Variants in PRKG1 observed in about 807,000 individuals in gnomAD.
PRKG1 encodes protein kinase cGMP-dependent 1.
PRKG1 carries 35 observed loss-of-function variants against 88.1 expected under a neutral mutation model. That is an observed-to-expected ratio of 0.40 (90% confidence interval 0.30 to 0.53). The LOEUF (loss-of-function observed/expected upper bound fraction) is 0.53, where lower values mean the gene tolerates loss of function less well. Among genes scored for constraint, PRKG1 ranks in the 20% least tolerant of loss-of-function variants. The pLI is 0.59. For synonymous variants in PRKG1, 303 were observed against 292.5 expected (o/e 1.04, Z -0.37); for missense variants, 540 against 839.8 (o/e 0.64, Z 4.41).
At chr10:51,399,072 T>C (rs1238347239) in intron 2 of PRKG1, among the ~76,000 whole-genome samples, 1 of 152,076 alleles carries the variant, frequency 6.6e-6, no homozygotes, top group Non-Finnish European at 1.5e-5. Flanking sequence ...ATAATTTTAT[T>C]GTATATAAAT....
chr10:51,348,314 T>C (rs1349909266), intron 2 of PRKG1, among the ~76,000 whole-genome samples: 1 of 152,172 alleles, frequency 6.6e-6, no homozygotes, highest in Non-Finnish European at 1.5e-5. Flanking sequence ...AGATTATACA[T>C]TTGATCTCTG....
chr10:51,622,654 C>T (rs528946575), intron 3 of PRKG1, among the ~76,000 whole-genome samples: 1 of 152,278 alleles, frequency 6.6e-6, no homozygotes, highest in South Asian at 2.1e-4. Flanking sequence ...AGTGCCAGAG[C>T]TCAAGTTAAG....
Position 51,320,270 on chromosome 10 carries a change from T to C in PRKG1, c.479-147453T>C, listed in dbSNP as rs867043736. ...TATGTAAGTGACAATGATTTTAAAA[T>C]CCTGCAACCAGATATTAGGAAGCTC... On this transcript the variant is annotated intron_variant, in intron 2 of 17. Coordinates refer to ENST00000373980, the MANE Select transcript of PRKG1 (RefSeq NM_006258.4). The C allele has an allele frequency of 9.0e-5, 15 of 167,454 alleles. No individual in the cohort carries two copies. The Middle Eastern group carries it at 5.4e-3, about 60-fold the overall frequency. 10.4% of individuals were successfully genotyped at this position (167,454 alleles called of 1,614,324 possible). A position where few individuals can be genotyped will look rare whatever the true frequency, so the allele number is the denominator to read the frequency against.
At chr10:51,662,663 A>C (rs1480586097) in intron 3 of PRKG1, among the ~76,000 whole-genome samples, 2 of 152,166 alleles carry the variant, frequency 1.3e-5, no homozygotes, top group Non-Finnish European at 2.9e-5. Context: ...CAATTATAAA[A>C]AGTACAACCA....
chr10:52,060,958 A>G (rs1299432478), intron 6 of PRKG1, among the ~76,000 whole-genome samples: 1 of 152,044 alleles, frequency 6.6e-6, no homozygotes, highest in East Asian at 1.9e-4. Context: ...TATTCATATA[A>G]TGGAATGCTG....
chr10:51,553,157 C>A (rs565879275), intron 3 of PRKG1, among the ~76,000 whole-genome samples: 2 of 151,748 alleles, frequency 1.3e-5, no homozygotes, highest in East Asian at 1.9e-4. Flanking sequence ...CAAAAATCTT[C>A]TTGCTGAGCC....
chr10:52,132,410 A>G (rs1240201931), intron 7 of PRKG1, among the ~76,000 whole-genome samples: 2 of 152,292 alleles, frequency 1.3e-5, no homozygotes, highest in East Asian at 1.9e-4. Context: ...AGTAAGGGAG[A>G]ACATGCTTTG....
chr10:51,142,646 A>G (rs1845845555), intron 1 of PRKG1, among the ~76,000 whole-genome samples: 1 of 152,078 alleles, frequency 6.6e-6, no homozygotes, highest in African/African-American at 2.4e-5. Flanking sequence ...TCCTACTTTA[A>G]TCTCTCATAT....
chr10:52,269,434 T>A (rs1841660664), intron 10 of PRKG1, among the ~76,000 whole-genome samples: 2 of 152,118 alleles, frequency 1.3e-5, no homozygotes, highest in African/African-American at 2.4e-5. Context: ...CCTGTCATAC[T>A]GATTCACAAT....
At chr10:51,127,953 T>C (rs1047141624) in intron 1 of PRKG1, among the ~76,000 whole-genome samples, 2 of 151,936 alleles carry the variant, frequency 1.3e-5, no homozygotes, top group African/African-American at 4.8e-5. Context: ...CACCGAAGCC[T>C]GTTCAGGGGT....
intron 3 of PRKG1, among the ~76,000 whole-genome samples, chr10:51,717,307 GT>G (rs1841909965): frequency 6.6e-6 from 1 of 152,184 alleles, no homozygotes; most frequent in African/African-American, 2.4e-5. Flanking sequence ...TTAGGCAACA[GT>G]TTGGGAACTG....
chr10:51,563,773 T>C (rs1040602730), intron 3 of PRKG1, among the ~76,000 whole-genome samples: 1 of 152,128 alleles, frequency 6.6e-6, no homozygotes, highest in Non-Finnish European at 1.5e-5. Context: ...CCCAAACAAA[T>C]ACTAATCTCG....
At chr10:51,989,458 A>C (rs985983477) in intron 5 of PRKG1, among the ~76,000 whole-genome samples, 1 of 152,048 alleles carries the variant, frequency 6.6e-6, no homozygotes, top group African/African-American at 2.4e-5. Flanking sequence ...AGGTCAAGTC[A>C]ATGACAACTG....
intron 16 of PRKG1, among the ~76,000 whole-genome samples, chr10:52,289,899 G>A (rs1842201729): frequency 6.6e-6 from 1 of 152,056 alleles, no homozygotes; most frequent in Admixed American, 6.6e-5. Flanking sequence ...AAAATATCCT[G>A]TAAGGCACAG....
At chr10:51,819,673 A>AAGTG (rs755068258) in intron 4 of PRKG1, among the ~76,000 whole-genome samples, 1 of 152,178 alleles carries the variant, frequency 6.6e-6, no homozygotes, top group Non-Finnish European at 1.5e-5. Flanking sequence ...CTAGGGGAGT[A>AAGTG]AGTGACCCTC....
At chr10:51,902,291 T>C (rs183685217) in intron 4 of PRKG1, among the ~76,000 whole-genome samples, 3 of 152,032 alleles carry the variant, frequency 2.0e-5, no homozygotes, top group East Asian at 3.9e-4. Flanking sequence ...TAATTTTGTA[T>C]TTTTAGTAGA....
intron 3 of PRKG1, among the ~76,000 whole-genome samples, chr10:51,499,891 C>T (rs746562217): frequency 4.6e-5 from 7 of 152,092 alleles, no homozygotes; most frequent in South Asian, 4.1e-4. Context: ...CCCAGGAAGT[C>T]GAGGCTGCAG....
intron 1 of PRKG1, among the ~76,000 whole-genome samples, chr10:51,032,791 T>G (rs1183781769): frequency 6.6e-6 from 1 of 152,150 alleles, no homozygotes; most frequent in Non-Finnish European, 1.5e-5. Context: ...TTGGGGTATG[T>G]GTATGTGTGC....
chr10:51,221,412 T>G (rs1306996883), intron 2 of PRKG1, among the ~76,000 whole-genome samples: 2 of 152,062 alleles, frequency 1.3e-5, no homozygotes, highest in African/African-American at 4.8e-5. Context: ...TGTGCACAAA[T>G]TAATTAAAAT....
Sources: gnomAD v4.1 joint callset for allele counts (sites outside exome capture counted in the v4.1 genomes callset) on GRCh38, gnomAD v4.1.1 for gene constraint, MANE v1.5 for transcripts, NCBI Gene and HGNC (gene_info 2026-07-23, HGNC 2026-07-21) for gene names.